The following IL1RAPL1 variants were observed in gnomAD, a reference collection of about 807,000 sequenced individuals.
IL1RAPL1 encodes the protein interleukin-1 receptor accessory protein-like 1.
IL1RAPL1 carries 3 observed loss-of-function variants against 48.4 expected under a neutral mutation model. The ratio of observed to expected loss-of-function variants is 0.06; its 90% CI spans 0.03 to 0.16. The LOEUF is 0.16. Ranked by LOEUF, IL1RAPL1 falls within the 10% of genes least tolerant of loss-of-function variation. The probability of loss-of-function intolerance (pLI) is 1.00; values close to 1 mark genes in which losing one functional copy is unlikely to be tolerated. For missense variants in IL1RAPL1, 349 were observed against 530.6 expected (o/e 0.66, Z 3.36); for synonymous variants, 185 against 187.7 (o/e 0.99, Z 0.12).
chrX:29,126,922 CA>C (rs1357731989), intron 2 of IL1RAPL1, among the ~76,000 whole-genome samples: 3 of 111,346 alleles, frequency 2.7e-5, no homozygotes, highest in African/African-American at 9.8e-5. Context: ...GAATGAAGAA[CA>C]ACAGTTAAGC....
intron 1 of IL1RAPL1, among the ~76,000 whole-genome samples, chrX:28,742,434 G>T (rs892110730): frequency 9.0e-6 from 1 of 111,423 alleles, no homozygotes; most frequent in African/African-American, 3.3e-5. Flanking sequence ...AGATGAAAAT[G>T]TATTTTCCTA....
intron 5 of IL1RAPL1, among the ~76,000 whole-genome samples, chrX:29,486,116 A>G (rs929359471): frequency 7.2e-5 from 8 of 111,088 alleles, no homozygotes; most frequent in Admixed American, 5.8e-4. Flanking sequence ...CTCGGGATTG[A>G]CATCAGCAAT....
intron 2 of IL1RAPL1, among the ~76,000 whole-genome samples, chrX:29,050,868 G>T (rs1253936889): frequency 8.9e-6 from 1 of 112,078 alleles, no homozygotes; most frequent in Non-Finnish European, 1.9e-5. Context: ...CATGTACAAA[G>T]GAAGAAAACT....
At chrX:29,688,388 C>T (rs1926684816) in intron 6 of IL1RAPL1, among the ~76,000 whole-genome samples, 1 of 111,585 alleles carries the variant, frequency 9.0e-6, no homozygotes, top group Non-Finnish European at 1.9e-5. Context: ...CTTTCCCTTC[C>T]ATCTGTCTCA....
At chrX:29,089,273 C>T (rs1238478892) in intron 2 of IL1RAPL1, among the ~76,000 whole-genome samples, 1 of 111,156 alleles carries the variant, frequency 9.0e-6, no homozygotes, top group Non-Finnish European at 1.9e-5. Flanking sequence ...AAAAAGTATA[C>T]ATTTATGGTG....
intron 2 of IL1RAPL1, among the ~76,000 whole-genome samples, chrX:28,975,439 G>A (rs1925181520): frequency 1.8e-5 from 2 of 112,170 alleles, no homozygotes; most frequent in East Asian, 2.8e-4. Context: ...CTTAGCTCTA[G>A]TACAAAACCT....
intron 5 of IL1RAPL1, among the ~76,000 whole-genome samples, chrX:29,610,719 G>A (rs779375019): frequency 3.6e-5 from 4 of 112,573 alleles, no homozygotes; most frequent in Admixed American, 9.3e-5. Context: ...GTTAGTTTGC[G>A]CAATTGCTGC....
intron 2 of IL1RAPL1, among the ~76,000 whole-genome samples, chrX:28,900,404 C>T (rs1923042795): frequency 9.0e-6 from 1 of 111,507 alleles, no homozygotes; most frequent in Non-Finnish European, 1.9e-5. Flanking sequence ...CTACAAAAAT[C>T]AAGGCTAAGA....
At chrX:29,553,432 C>T (rs904497426) in intron 5 of IL1RAPL1, among the ~76,000 whole-genome samples, 8 of 111,215 alleles carry the variant, frequency 7.2e-5, no homozygotes, top group African/African-American at 2.6e-4. Context: ...ACTGGGGCCC[C>T]GTTAGTTTGG....
intron 6 of IL1RAPL1, among the ~76,000 whole-genome samples, chrX:29,687,043 C>T (rs919620194): frequency 1.8e-5 from 2 of 109,967 alleles, no homozygotes; most frequent in Non-Finnish European, 3.8e-5. Flanking sequence ...CCCTTCCATA[C>T]TGCTGGTGGC....
At chrX:29,727,083 A>G (rs1927791317) in intron 6 of IL1RAPL1, among the ~76,000 whole-genome samples, 1 of 111,969 alleles carries the variant, frequency 8.9e-6, no homozygotes. Flanking sequence ...TGGCGATGAT[A>G]TCTGGTTACT....
At chrX:29,042,158 G>A (rs1355529876) in intron 2 of IL1RAPL1, among the ~76,000 whole-genome samples, 1 of 111,926 alleles carries the variant, frequency 8.9e-6, no homozygotes, top group Non-Finnish European at 1.9e-5. Context: ...TCTGCCATGA[G>A]CAGAACAACT....
rs752140722 is a variant in IL1RAPL1 at position 28,964,150 on chromosome X, AGTGTAGAATG to A, written c.82+174728_82+174737del. On this transcript the variant is annotated intron_variant, in intron 2 of 10. Coordinates refer to ENST00000378993, the MANE Select transcript of IL1RAPL1 (RefSeq NM_014271.4). The stretch of plus-strand genomic sequence containing the variant: ...AGATGTGAGTGGTTAAAAATTCATC[AGTGTAGAATG>A]GTATAACATAAGAAGAAGCCATCAA... 3.3e-3 allele frequency among the ~76,000 whole-genome samples: 372 copies of A among 111,618 alleles called. 2 individuals are homozygous for A. Among genetic ancestry groups the A allele is most frequent in the African/African-American group, 0.012 (359 of 30,803 alleles).
At chrX:28,833,121 T>C (rs894758797) in intron 2 of IL1RAPL1, among the ~76,000 whole-genome samples, 2 of 111,164 alleles carry the variant, frequency 1.8e-5, no homozygotes, top group African/African-American at 6.5e-5. Flanking sequence ...GCTGCATCCA[T>C]GTTGCTGCAA....
intron 2 of IL1RAPL1, among the ~76,000 whole-genome samples, chrX:29,138,041 T>C (rs1294376437): frequency 1.8e-5 from 2 of 112,479 alleles, no homozygotes; most frequent in African/African-American, 6.5e-5. Context: ...AATTTGTACA[T>C]ATAACTCTTC....
chrX:29,849,901 A>G (rs1275824432), intron 6 of IL1RAPL1, among the ~76,000 whole-genome samples: 2 of 112,202 alleles, frequency 1.8e-5, no homozygotes, highest in African/African-American at 6.5e-5. Context: ...AATGACCTCA[A>G]CATGACAGAA....
intron 3 of IL1RAPL1, among the ~76,000 whole-genome samples, chrX:29,294,951 G>A (rs1932427977): frequency 9.0e-6 from 1 of 111,466 alleles, no homozygotes. Context: ...ATGGAAAACA[G>A]AAAGCAGTTT....
chrX:28,686,366 A>C (rs766249221), intron 1 of IL1RAPL1, among the ~76,000 whole-genome samples: 2 of 112,155 alleles, frequency 1.8e-5, no homozygotes, highest in East Asian at 2.8e-4. Flanking sequence ...CTAGACCCCC[A>C]AAACAGCTAT....
intron 2 of IL1RAPL1, among the ~76,000 whole-genome samples, chrX:29,125,686 T>C (rs1178644003): frequency 1.8e-5 from 2 of 111,335 alleles, no homozygotes; most frequent in African/African-American, 6.5e-5. Context: ...GTCATCTTAC[T>C]TTAGGGTATA....
Sources: allele counts gnomAD v4.1 joint callset (sites outside exome capture counted in the v4.1 genomes callset), GRCh38; gene constraint gnomAD v4.1.1; transcripts MANE v1.5; gene names NCBI Gene and HGNC (gene_info 2026-07-23, HGNC 2026-07-21).